Variants in MORC2 observed in about 807,000 individuals in gnomAD.
MORC2 encodes MORC family CW-type zinc finger 2.
A neutral mutation model predicts 136.0 loss-of-function variants in MORC2; 30 were observed. That is an observed-to-expected ratio of 0.22 (90% CI 0.17 to 0.30). The LOEUF (loss-of-function observed/expected upper bound fraction) is 0.30, where lower values mean the gene tolerates loss of function less well. MORC2 is among the 10% of genes least tolerant of loss of function. MORC2 has a pLI of 1.00. For synonymous variants in MORC2, 439 were observed against 487.0 expected (o/e 0.90, Z 1.30); for missense variants, 922 against 1,333.1 (o/e 0.69, Z 4.80).
rs764516522 is a variant in MORC2, at chr22:30,941,404, A to T, written c.824+29T>A. Reference sequence around the variant, plus strand: ...CGGCCACATCCTCGACCCATGGGAGACAGCAGGCCAAGGGGCACTGGCCCC... The same window carrying T: ...CGGCCACATCCTCGACCCATGGGAGTCAGCAGGCCAAGGGGCACTGGCCCC... On this transcript the variant is annotated intron_variant, in intron 9 of 25. Transcript: ENST00000397641. The surrounding 1 kb of genome is among the most constrained non-coding windows in gnomAD (Gnocchi z 4.6). 112 of 1,610,736 alleles carry T rather than the reference A, an allele frequency of 7.0e-5. No individual in the cohort carries two copies. Among genetic ancestry groups the T allele is most frequent in the Non-Finnish European group, 9.4e-5 (111 of 1,178,102 alleles).
chr22:30,957,314 T>C (rs1240259334), intron 2 of MORC2, among the ~76,000 whole-genome samples: 1 of 152,190 alleles, frequency 6.6e-6, no homozygotes, highest in Non-Finnish European at 1.5e-5. Flanking sequence ...AATCTTAACC[T>C]CCCTAAACCT....
At chr22:30,931,866 A>T (rs1451387657) in intron 24 of MORC2, among the ~76,000 whole-genome samples, 2 of 152,254 alleles carry the variant, frequency 1.3e-5, no homozygotes, top group African/African-American at 2.4e-5. Context: ...GAGGTCCAGC[A>T]GACACCTGCT....
At position 30,934,020 on chromosome 22, in the gene MORC2, T is replaced by G. The variant is rs1371064587; in HGVS notation, c.2325+40A>C. 1.2e-6 allele frequency: 2 copies of G among 1,611,784 alleles called. No individual in the cohort carries two copies. The highest frequency in any genetic ancestry group is 1.7e-6 in the Non-Finnish European group (2 of 1,178,710). On this transcript the variant is annotated intron_variant, in intron 20 of 25. Coordinates refer to ENST00000397641, the MANE Select transcript of MORC2 (RefSeq NM_001303256.3). This position sits in a 1 kb window ranked among gnomAD's most constrained non-coding sequence, Gnocchi z 4.4. The stretch of plus-strand genomic sequence containing the variant: ...GACTGCTGGTGGGGGCTGCAGGCCC[T>G]AGAGAGAGAGGCTTTGAGAACCTCA...
intron 24 of MORC2, among the ~76,000 whole-genome samples, chr22:30,928,749 G>A (rs530607895): frequency 1.8e-4 from 28 of 152,214 alleles, no homozygotes; most frequent in Non-Finnish European, 3.7e-4. Flanking sequence ...GGAGAGGTAG[G>A]AAGGGAAACA....
At position 30,932,845 on chromosome 22, in the gene MORC2, A is replaced by G; in HGVS notation, c.2522+44T>C. Reference sequence around the variant, plus strand: ...GGCTGCTGGCAGGGAGGCCGGGGATACCTCCTTCGAGGAACCACTGCTCCT... The same window carrying G: ...GGCTGCTGGCAGGGAGGCCGGGGATGCCTCCTTCGAGGAACCACTGCTCCT... On this transcript the variant is annotated intron_variant, in intron 22 of 25. Transcript: ENST00000397641. This position sits in a 1 kb window ranked among gnomAD's most constrained non-coding sequence, Gnocchi z 4.4. The G allele has an allele frequency of 6.2e-7, 1 of 1,613,464 alleles. No homozygotes were observed. The highest frequency in any genetic ancestry group is 8.5e-7 in the Non-Finnish European group (1 of 1,179,668).
rs574163617 is a variant in MORC2, at chr22:30,953,783, A to C, written c.157+2980T>G. Among the ~76,000 whole-genome samples, 8 of 152,310 alleles carry C rather than the reference A, an allele frequency of 5.3e-5. No individual in the cohort carries two copies. The South Asian group carries it at 1.7e-3, about 32-fold the overall frequency. ...TATTATGGTCTATAATAATAATCCA[A>C]CTAATAATAATATGCTTTGGGTAAA... On this transcript the variant is annotated intron_variant, in intron 3 of 25. Transcript: ENST00000397641.
In MORC2 at chr22:30,956,843, C is replaced by G. The variant is rs1320692509; in HGVS notation, c.123-46G>C. The G allele has an allele frequency of 7.6e-6, 11 of 1,449,824 alleles. No homozygotes were observed. The Admixed American group carries it at 8.0e-5, about 11-fold the overall frequency. 89.8% of individuals were successfully genotyped at this position (1,449,824 alleles called of 1,614,324 possible). A position where few individuals can be genotyped will look rare whatever the true frequency, so the allele number is the denominator to read the frequency against. On this transcript the variant is annotated intron_variant, in intron 2 of 25. Coordinates refer to ENST00000397641, the MANE Select transcript of MORC2 (RefSeq NM_001303256.3). ...AATCATGTGAATTAATATGAAATAT[C>G]AACCATCAAAATGCATAGTGATTTG...
At chr22:30,933,180 G>T in intron 21 of MORC2, 150 bp from the exon 22 acceptor site, 2 of 1,222,518 alleles carry the variant, frequency 1.6e-6, no homozygotes, top group Non-Finnish European at 2.3e-6. Flanking sequence ...AGAGACCAGG[G>T]ACCAGCCACC....
At chr22:30,967,529 G>A in intron 1 of MORC2, 1 of 1,196,396 alleles carries the variant, frequency 8.4e-7, no homozygotes, top group Non-Finnish European at 1.0e-6. Context: ...GTATTTGTTG[G>A]ATTCCTATAA....
At chr22:30,956,653 C>T in intron 3 of MORC2, 110 bp downstream of exon 3, 1 of 887,262 alleles carries the variant, frequency 1.1e-6, no homozygotes, top group Non-Finnish European at 1.7e-6. Context: ...AATAATCATG[C>T]CATCTTCCCA....
chr22:30,960,105 T>C (rs2041021828), intron 1 of MORC2, among the ~76,000 whole-genome samples: 1 of 152,170 alleles, frequency 6.6e-6, no homozygotes, highest in South Asian at 2.1e-4. Context: ...ATAGCTGGGA[T>C]TACAGGCATG....
At chr22:30,943,886 C>T (rs770255901) in intron 6 of MORC2, among the ~76,000 whole-genome samples, 1 of 152,206 alleles carries the variant, frequency 6.6e-6, no homozygotes, top group Non-Finnish European at 1.5e-5. Flanking sequence ...TCTCCTGCCT[C>T]AGCCTCTCAA....
In MORC2 at chr22:30,968,177, CTCAAT is replaced by C. The variant is rs1289408627; in HGVS notation, c.-293_-289del. 2.9e-6 allele frequency: 1 copy of C among 342,250 alleles called. No homozygotes were observed. Among genetic ancestry groups the C allele is most frequent in the African/African-American group, 2.2e-5 (1 of 46,460 alleles). 21.2% of individuals were successfully genotyped at this position (342,250 alleles called of 1,614,324 possible). A position where few individuals can be genotyped will look rare whatever the true frequency, so the allele number is the denominator to read the frequency against. On this transcript the variant is annotated 5_prime_UTR_variant, in exon 1 of 26. Coordinates refer to ENST00000397641, the MANE Select transcript of MORC2 (RefSeq NM_001303256.3). The stretch of plus-strand genomic sequence containing the variant: ...AGCTTTTAGCATTAAGTTGCGATAG[CTCAAT>C]TCAGACAATCTGAGTCTCGTGTGGA...
intron 4 of MORC2, among the ~76,000 whole-genome samples, chr22:30,950,163 C>T (rs537770939): frequency 6.6e-6 from 1 of 152,138 alleles, no homozygotes; most frequent in Non-Finnish European, 1.5e-5. Flanking sequence ...CTTAAGATTG[C>T]CTTTCAGATC....
At chr22:30,948,242 G>A (rs1055692247) in intron 5 of MORC2, among the ~76,000 whole-genome samples, 25 of 152,202 alleles carry the variant, frequency 1.6e-4, no homozygotes, top group African/African-American at 5.3e-4. Context: ...AGGTGAAATG[G>A]CTTGCCTGAG....
At position 30,968,108 on chromosome 22, in the gene MORC2, T is replaced by C; in HGVS notation, c.-219A>G. ...TTAATCTTCTCAATGATTTATGATGTAATATTTTGGAAGGAACTATGTCAT... is the reference window on the plus strand; with the variant it reads ...TTAATCTTCTCAATGATTTATGATGCAATATTTTGGAAGGAACTATGTCAT... On this transcript the variant is annotated 5_prime_UTR_variant, in exon 1 of 26. Coordinates refer to ENST00000397641, the MANE Select transcript of MORC2 (RefSeq NM_001303256.3). 1.9e-6 allele frequency: 1 copy of C among 530,970 alleles called. No homozygotes were observed. The highest frequency in any genetic ancestry group is 2.2e-5 in the South Asian group (1 of 44,924). 32.9% of individuals were successfully genotyped at this position (530,970 alleles called of 1,614,324 possible).
intron 6 of MORC2, among the ~76,000 whole-genome samples, chr22:30,944,740 G>A (rs1292714638): frequency 2.0e-5 from 3 of 152,078 alleles, no homozygotes; most frequent in Admixed American, 6.5e-5. Flanking sequence ...CCCCTGCTTC[G>A]CTTTCGCCTT....
Position 30,940,674 on chromosome 22 carries a change from C to T in MORC2, c.904+84G>A, listed in dbSNP as rs541361590. 6 of 1,231,430 alleles carry T rather than the reference C, an allele frequency of 4.9e-6. No individual in the cohort carries two copies. The African/African-American group carries it at 8.9e-5, about 18-fold the overall frequency. The allele number at this position is 1,231,430 out of a possible 1,614,324, so 76.3% of individuals were successfully genotyped here. A position where few individuals can be genotyped will look rare whatever the true frequency, so the allele number is the denominator to read the frequency against. ...CCTTGTCCCTGAGTTGTGGACTCAG[C>T]CTTTTCCTGGAACCCCACTTTGCCC... On this transcript the variant is annotated intron_variant, in intron 10 of 25. Coordinates refer to ENST00000397641, the MANE Select transcript of MORC2 (RefSeq NM_001303256.3).
intron 5 of MORC2, among the ~76,000 whole-genome samples, chr22:30,949,232 T>G (rs959092599): frequency 6.6e-6 from 1 of 152,190 alleles, no homozygotes; most frequent in African/African-American, 2.4e-5. Flanking sequence ...TCCCATGGGA[T>G]TTGAAGACAT....
Sources: gnomAD v4.1 joint callset for allele counts (sites outside exome capture counted in the v4.1 genomes callset) on GRCh38, gnomAD v4.1.1 for gene constraint, Gnocchi (gnomAD v3.1) non-coding constraint, MANE v1.5 for transcripts, NCBI Gene and HGNC (gene_info 2026-07-23, HGNC 2026-07-21) for gene names.